Variants in SYT1 observed in about 807,000 individuals in gnomAD.
SYT1 encodes the protein synaptotagmin 1, also known as synaptotagmin-1.
SYT1 carries 8 observed loss-of-function variants against 44.8 expected under a neutral mutation model. The ratio of observed to expected loss-of-function variants is 0.18; its 90% CI spans 0.10 to 0.32. The LOEUF (loss-of-function observed/expected upper bound fraction) is 0.32, where lower values mean the gene tolerates loss of function less well. Among genes scored for constraint, SYT1 ranks in the 10% least tolerant of loss-of-function variants. The probability of loss-of-function intolerance (pLI) is 1.00; values close to 1 mark genes in which losing one functional copy is unlikely to be tolerated. For synonymous variants in SYT1, 154 were observed against 188.8 expected (o/e 0.82, Z 1.51); for missense variants, 286 against 509.3 (o/e 0.56, Z 4.22).
chr12:79,011,020 T>C (rs1871374378), intron 2 of SYT1, among the ~76,000 whole-genome samples: 1 of 152,178 alleles, frequency 6.6e-6, no homozygotes, highest in South Asian at 2.1e-4. Flanking sequence ...ATTTAGGTCA[T>C]TATGCCAATC....
Position 79,126,538 on chromosome 12 carries a change from C to T in SYT1, c.-18+79176C>T, listed in dbSNP as rs1396433489. Among the ~76,000 whole-genome samples, 4 of 152,104 alleles carry T rather than the reference C, an allele frequency of 2.6e-5. No individual in the cohort carries two copies. The South Asian group carries it at 6.2e-4, about 24-fold the overall frequency. On this transcript the variant is annotated intron_variant, in intron 3 of 10. Transcript: ENST00000261205. ...CCTCCCAAAGTGCTGAGATTATAGG[C>T]GTGAGCCACCATACCCGGCCAAAAG...
intron 9 of SYT1, among the ~76,000 whole-genome samples, chr12:79,442,370 G>T (rs948005735): frequency 6.6e-6 from 1 of 152,102 alleles, no homozygotes; most frequent in Non-Finnish European, 1.5e-5. Context: ...GTTTACAGTG[G>T]ATTTTTTTTT....
intron 9 of SYT1, chr12:79,392,466 G>C (rs1884696317): frequency 6.6e-6 from 1 of 152,122 alleles, no homozygotes; most frequent in Non-Finnish European, 1.5e-5. Flanking sequence ...CCGGTTTACA[G>C]CAAATGAGGA....
At chr12:79,048,117 T>G (rs986246596) in intron 3 of SYT1, among the ~76,000 whole-genome samples, 1 of 151,912 alleles carries the variant, frequency 6.6e-6, no homozygotes, top group African/African-American at 2.4e-5. Context: ...TTAATATTTT[T>G]GAAACTGCAT....
chr12:79,040,929 GT>G lies in SYT1; in HGVS notation c.-83-6366del, dbSNP rs1349970206. Among the ~76,000 whole-genome samples the G allele has an allele frequency of 6.6e-5, 10 of 151,152 alleles. No homozygotes were observed. In the South Asian group the frequency reaches 2.1e-3, roughly 32 times the overall value. On this transcript the variant is annotated intron_variant, in intron 2 of 10. Coordinates refer to ENST00000261205, the MANE Select transcript of SYT1 (RefSeq NM_005639.3). ...TCTCAGGTTTGTCAAAGATCAGATA[GT>G]TGTAGATATGCGGCGTTATTTCTGA...
intron 9 of SYT1, among the ~76,000 whole-genome samples, chr12:79,367,985 T>C (rs1353625395): frequency 6.6e-6 from 1 of 151,864 alleles, no homozygotes; most frequent in Non-Finnish European, 1.5e-5. Flanking sequence ...ACATGTGCCA[T>C]GCTGGTGTGC....
intron 2 of SYT1, among the ~76,000 whole-genome samples, chr12:78,980,442 A>T (rs1869164135): frequency 1.3e-5 from 2 of 152,146 alleles, no homozygotes; most frequent in South Asian, 2.1e-4. Context: ...AATAATTTAA[A>T]TTGTTTCTGC....
chr12:79,096,661 C>T (rs1240100864), intron 3 of SYT1, among the ~76,000 whole-genome samples: 2 of 151,766 alleles, frequency 1.3e-5, no homozygotes, highest in African/African-American at 4.8e-5. Context: ...AGGAATGCAA[C>T]AATATGACCC....
intron 3 of SYT1, among the ~76,000 whole-genome samples, chr12:79,199,532 C>T (rs956414092): frequency 2.0e-5 from 3 of 152,074 alleles, no homozygotes; most frequent in Non-Finnish European, 2.9e-5. Flanking sequence ...TAGAAATGCC[C>T]TATCACCTCT....
chr12:79,092,468 C>T (rs1490392588), intron 3 of SYT1, among the ~76,000 whole-genome samples: 2 of 151,454 alleles, frequency 1.3e-5, no homozygotes, highest in Non-Finnish European at 3.0e-5. Flanking sequence ...CACAAAAGTA[C>T]ACCTTCCCAT....
rs1447790995 is a variant in SYT1 at position 79,444,218 on chromosome 12, CAT to C, written c.1062+14_1062+15del. ...TTGAACAAATCCAGGTAATGTCAAA[CAT>C]AACTTTGTCTTCCCACTCAATTTCA... On this transcript the variant is annotated intron_variant, in intron 10 of 10. Transcript: ENST00000261205. 4 of 1,611,750 alleles carry C rather than the reference CAT, an allele frequency of 2.5e-6. No individual in the cohort carries two copies. The highest frequency in any genetic ancestry group is 2.5e-6 in the Non-Finnish European group (3 of 1,178,826).
At chr12:79,341,712 A>T (rs1204594964) in intron 8 of SYT1, among the ~76,000 whole-genome samples, 6 of 115,656 alleles carry the variant, frequency 5.2e-5, no homozygotes, top group Non-Finnish European at 9.6e-5. Context: ...TCTGTTGCCT[A>T]GGCTGGAGTG....
chr12:79,339,742 C>T (rs894582257), intron 8 of SYT1, among the ~76,000 whole-genome samples: 6 of 152,106 alleles, frequency 3.9e-5, no homozygotes, highest in Non-Finnish European at 5.9e-5. Context: ...GAAGTCCTTG[C>T]CCATGCCTAC....
At chr12:79,134,184 G>GA (rs1370939576) in intron 3 of SYT1, among the ~76,000 whole-genome samples, 16 of 152,054 alleles carry the variant, frequency 1.1e-4, no homozygotes. Context: ...TATGCAAACT[G>GA]GATAATTACA....
chr12:79,054,142 G>A (rs572632679), intron 3 of SYT1, among the ~76,000 whole-genome samples: 3 of 152,016 alleles, frequency 2.0e-5, no homozygotes, highest in Non-Finnish European at 4.4e-5. Flanking sequence ...AGCTTACTTA[G>A]TATGCAGCAG....
chr12:79,070,568 AC>A (rs1876198869), intron 3 of SYT1, among the ~76,000 whole-genome samples: 1 of 152,050 alleles, frequency 6.6e-6, no homozygotes, highest in Non-Finnish European at 1.5e-5. Flanking sequence ...TATTTCCAAC[AC>A]CAATTTTTTA....
chr12:79,247,000 G>A (rs569265643), intron 4 of SYT1, among the ~76,000 whole-genome samples: 4 of 152,170 alleles, frequency 2.6e-5, no homozygotes, highest in Non-Finnish European at 4.4e-5. Flanking sequence ...TAGAAGTAAA[G>A]ATGTACAGTT....
rs534350411 is a variant in SYT1, at chr12:79,400,037, G to A, written c.929-44036G>A. On this transcript the variant is annotated intron_variant, in intron 9 of 10. Coordinates refer to ENST00000261205, the MANE Select transcript of SYT1 (RefSeq NM_005639.3). ...GAGTTAATGCAAAGAGCTTATCTGA[G>A]CATCTTTCTCTCCAAAGCCAAGATG... is the stretch of plus-strand genomic sequence containing the variant. 2.6e-5 allele frequency among the ~76,000 whole-genome samples: 4 copies of A among 152,270 alleles called. No homozygotes were observed. The South Asian group carries it at 8.3e-4, about 32-fold the overall frequency.
At chr12:79,256,221 T>C (rs1306409225) in intron 4 of SYT1, among the ~76,000 whole-genome samples, 4 of 152,230 alleles carry the variant, frequency 2.6e-5, no homozygotes, top group Admixed American at 2.0e-4. Flanking sequence ...AAAGAAATTC[T>C]GCCTTTCGGC....
Sources: allele counts gnomAD v4.1 joint callset (sites outside exome capture counted in the v4.1 genomes callset), GRCh38; gene constraint gnomAD v4.1.1; transcripts MANE v1.5; gene names NCBI Gene and HGNC (gene_info 2026-07-23, HGNC 2026-07-21).